The following SMC4 variants were observed in gnomAD, a reference collection of about 807,000 sequenced individuals.
SMC4 encodes structural maintenance of chromosomes protein 4.
Under a neutral mutation model 145.6 loss-of-function variants are expected in SMC4, and 87 were observed. The ratio of observed to expected loss-of-function variants is 0.60; its 90% CI spans 0.50 to 0.71. SMC4 has a LOEUF of 0.71. Ranked by LOEUF, SMC4 falls within the 30% of genes least tolerant of loss-of-function variation. The probability of loss-of-function intolerance (pLI) is 0.00; values close to 1 mark genes in which losing one functional copy is unlikely to be tolerated. For synonymous variants in SMC4, 558 were observed against 500.7 expected (o/e 1.11, Z -1.53); for missense variants, 1,447 against 1,537.1 (o/e 0.94, Z 0.98).
intron 10 of SMC4, chr3:160,417,497 C>A: frequency 1.9e-6 from 1 of 514,808 alleles, no homozygotes; most frequent in Non-Finnish European, 3.4e-6. Flanking sequence ...GCGTAATGAT[C>A]GATCTCACAA....
chr3:160,433,552 A>G, intron 23 of SMC4, 105 bp from the exon 24 acceptor site: 1 of 665,480 alleles, frequency 1.5e-6, no homozygotes, highest in Non-Finnish European at 2.5e-6. Flanking sequence ...ATTCCTTTAC[A>G]TGTTATCAAT....
At chr3:160,431,865 T>C in intron 21 of SMC4, 40 bp downstream of exon 21, 3 of 1,554,150 alleles carry the variant, frequency 1.9e-6, no homozygotes, top group Non-Finnish European at 2.6e-6. Flanking sequence ...TGGAGTTCTT[T>C]TTAGTCCTTA....
intron 13 of SMC4, 67 bp from the exon 14 acceptor site, chr3:160,423,358 T>TTTTTTTTTTA: frequency 1.6e-6 from 1 of 617,436 alleles, no homozygotes; most frequent in Non-Finnish European, 2.4e-6. Flanking sequence ...GGTTTTTTTT[T>TTTTTTTTTTA]GTTTTTTTTT....
At chr3:160,424,807 C>T in intron 15 of SMC4, 60 bp from the exon 16 acceptor site, 2 of 1,595,634 alleles carry the variant, frequency 1.3e-6, no homozygotes, top group Non-Finnish European at 1.7e-6. Context: ...TTTTAGTTTT[C>T]TTCGTAAGTT....
chr3:160,411,011 A>C (rs1715938285), intron 5 of SMC4, among the ~76,000 whole-genome samples: 1 of 152,194 alleles, frequency 6.6e-6, no homozygotes, highest in South Asian at 2.1e-4. Context: ...CCTATAACGT[A>C]GCAGCATTTG....
In SMC4 at chr3:160,434,512, G is replaced by A. The variant is rs1577005953; in HGVS notation, c.*703G>A. The A allele has an allele frequency of 6.6e-6, 1 of 152,106 alleles. No homozygotes were observed. Among genetic ancestry groups the A allele is most frequent in the East Asian group, 1.9e-4 (1 of 5,194 alleles). The allele number at this position is 152,106 out of a possible 1,614,324, so 9.4% of individuals were successfully genotyped here. A position where few individuals can be genotyped will look rare whatever the true frequency, so the allele number is the denominator to read the frequency against. ...TTTCAACTTTATGATAGGTTTATCC[G>A]GGTACTAAATGCATTTCAACTTGAT... On this transcript the variant is annotated 3_prime_UTR_variant, in exon 24 of 24. Transcript: ENST00000357388.
chr3:160,433,836 G>T lies in SMC4; in HGVS notation c.*27G>T, dbSNP rs150864565. ...CTTTATGCTGAAGATTCTTCAAGTT[G>T]ATTCAGTGTATTACTGATTTTTTTC... On this transcript the variant is annotated 3_prime_UTR_variant, in exon 24 of 24. Transcript: ENST00000357388. 4.7e-4 allele frequency: 739 copies of T among 1,570,950 alleles called. 22 individuals carry two copies. The East Asian group carries it at 0.017, about 35-fold the overall frequency.
At position 160,432,268 on chromosome 3, in the gene SMC4, A is replaced by G. The variant is rs1355141881; in HGVS notation, c.3298-15A>G. ...TTTATCTGAATAGATTTTCCCTATC[A>G]TAATCTTTTCACAGGAAGAATTGTA... On this transcript the variant is annotated splice_polypyrimidine_tract_variant and intron_variant, in intron 21 of 23. Transcript: ENST00000357388. 9.2e-6 allele frequency: 14 copies of G among 1,518,632 alleles called. No individual in the cohort carries two copies. Among genetic ancestry groups the G allele is most frequent in the Non-Finnish European group, 1.3e-5 (14 of 1,106,864 alleles). 94.1% of individuals were successfully genotyped at this position (1,518,632 alleles called of 1,614,324 possible).
chr3:160,400,950 C>T lies in SMC4; in HGVS notation c.124C>T (p.Pro42Ser). 1 of 1,434,700 alleles carries T rather than the reference C, an allele frequency of 7.0e-7. No individual in the cohort carries two copies. The highest frequency in any genetic ancestry group is 9.0e-7 in the Non-Finnish European group (1 of 1,105,944). The allele number at this position is 1,434,700 out of a possible 1,614,324, so 88.9% of individuals were successfully genotyped here. Reference protein sequence around the residue: ...PEPPSGRTESPATAAETASEE... With the variant: ...PEPPSGRTESSATAAETASEE... ...GCCGCCGTCCGGCCGCACGGAGAGCCCAGCCACCGCCGCAGGTGAGTGACC... is the reference window on the plus strand; with the variant it reads ...GCCGCCGTCCGGCCGCACGGAGAGCTCAGCCACCGCCGCAGGTGAGTGACC... The change falls in exon 2 of 24, where the codon CCA becomes TCA. Residue 42 changes from proline (P) to serine (S), a missense_variant. Pro to Ser is a moderately conservative substitution (Grantham distance 74, BLOSUM62 -1). Transcript: ENST00000357388.
At chr3:160,409,336 G>A (rs1440668103) in intron 5 of SMC4, among the ~76,000 whole-genome samples, 1 of 113,550 alleles carries the variant, frequency 8.8e-6, no homozygotes, top group Non-Finnish European at 1.8e-5. Flanking sequence ...ATTTTGCTTT[G>A]TAAATATCCT....
chr3:160,399,836 C>T (rs1425130650), intron 1 of SMC4, 87 bp downstream of exon 1: 1 of 152,232 alleles, frequency 6.6e-6, no homozygotes, highest in Admixed American at 6.5e-5. Context: ...GCCTTGAGCC[C>T]GAGCGGCGAA....
chr3:160,412,170 A>G, intron 6 of SMC4, 86 bp downstream of exon 6: 1 of 1,470,778 alleles, frequency 6.8e-7, no homozygotes, highest in Non-Finnish European at 9.2e-7. Flanking sequence ...TTCATGTTAT[A>G]ATACTTAATG....
rs938139823 is a variant in SMC4 at position 160,400,956 on chromosome 3, A to C, written c.130A>C (p.Thr44Pro). Residue 44 changes from threonine (T) to proline (P), a missense_variant, in exon 2 of 24, where the codon ACC becomes CCC. Coordinates refer to ENST00000357388, the MANE Select transcript of SMC4 (RefSeq NM_001002800.3). The stretch of plus-strand genomic sequence containing the variant: ...GTCCGGCCGCACGGAGAGCCCAGCC[A>C]CCGCCGCAGGTGAGTGACCCGCCGC... ...PPSGRTESPA[T>P]AAETASEELD... 7.0e-7 allele frequency: 1 copy of C among 1,430,574 alleles called. No homozygotes were observed. The highest frequency in any genetic ancestry group is 9.1e-7 in the Non-Finnish European group (1 of 1,103,940). 88.6% of individuals were successfully genotyped at this position (1,430,574 alleles called of 1,614,324 possible).
In SMC4 at chr3:160,430,660, A is replaced by G. The variant is rs1718303393; in HGVS notation, c.2857A>G (p.Lys953Glu). ...RTEKEIKDTE[K>E]EVDDLTAELK... ...AGAGAAAGAAATAAAAGATACTGAG[A>G]AAGAGGTGGATGACCTAACAGCAGA... Residue 953 changes from lysine (K) to glutamate (E), a missense_variant, in exon 19 of 24, where the codon AAA (lysine) becomes GAA (glutamate). Transcript: ENST00000357388. The G allele has an allele frequency of 6.2e-7, 1 of 1,613,696 alleles. No homozygotes were observed. Among genetic ancestry groups the G allele is most frequent in the African/African-American group, 1.3e-5 (1 of 75,024 alleles).
chr3:160,416,558 C>A, intron 10 of SMC4, 143 bp downstream of exon 10: 1 of 464,414 alleles, frequency 2.2e-6, no homozygotes, highest in Non-Finnish European at 3.8e-6. Context: ...TCAACCTAGA[C>A]TTAGATGACT....
At position 160,402,773 on chromosome 3, in the gene SMC4, C is replaced by G. The variant is rs776987943; in HGVS notation, c.416C>G (p.Ser139Cys). The G allele has an allele frequency of 6.2e-7, 1 of 1,611,176 alleles. No individual in the cohort carries two copies. The highest frequency in any genetic ancestry group is 1.3e-5 in the African/African-American group (1 of 74,660). Reference protein sequence around the residue: ...VFGYRAQKIRSKKLSVLIHNS... With the variant: ...VFGYRAQKIRCKKLSVLIHNS... ...GGCTATCGAGCACAAAAAATAAGAT[C>G]TAAAAAACTCTCAGTATTAATACAT... The change falls in exon 4 of 24, where the codon TCT becomes TGT. Residue 139 changes from serine (S) to cysteine (C), a missense_variant. Coordinates refer to ENST00000357388, the MANE Select transcript of SMC4 (RefSeq NM_001002800.3).
chr3:160,412,009 T>C lies in SMC4; in HGVS notation c.777T>C (p.Gly259=). ...TTGAATATTTAGAAGATATAATTGG[T>C]TGTGGACGGCTAAATGAACCTATTA... ...GMLEYLEDII[G]CGRLNEPIKV... Residue 259 remains glycine (G), a synonymous_variant, in exon 6 of 24, where the codon GGT becomes GGC. Coordinates refer to ENST00000357388, the MANE Select transcript of SMC4 (RefSeq NM_001002800.3). 3 of 1,613,658 alleles carry C rather than the reference T, an allele frequency of 1.9e-6. No homozygotes were observed. The East Asian group carries it at 6.7e-5, about 36-fold the overall frequency.
intron 16 of SMC4, among the ~76,000 whole-genome samples, chr3:160,425,641 T>TA (rs1560010360): frequency 2.0e-5 from 3 of 152,200 alleles, no homozygotes; most frequent in South Asian, 2.1e-4. Flanking sequence ...TGGCTATGTT[T>TA]AAAAAAATCC....
intron 18 of SMC4, among the ~76,000 whole-genome samples, chr3:160,430,203 G>A (rs937208707): frequency 3.3e-5 from 5 of 152,226 alleles, no homozygotes; most frequent in Non-Finnish European, 5.9e-5. Flanking sequence ...GGGAGAAGTA[G>A]TGTCTTGCTT....
Sources: gnomAD v4.1 joint callset for allele counts (sites outside exome capture counted in the v4.1 genomes callset) on GRCh38, gnomAD v4.1.1 for gene constraint, MANE v1.5 for transcripts, NCBI Gene and HGNC (gene_info 2026-07-23, HGNC 2026-07-21) for gene names.